The following PHLDB2 variants were observed in gnomAD, a reference collection of about 807,000 sequenced individuals.
The protein encoded by PHLDB2 is pleckstrin homology like domain family B member 2, also known as pleckstrin homology-like domain family B member 2.
In PHLDB2, 71 loss-of-function variants were observed where a neutral mutation model predicts 123.6. The ratio of observed to expected loss-of-function variants is 0.57; its 90% CI spans 0.47 to 0.70. The LOEUF (loss-of-function observed/expected upper bound fraction) is 0.70, where lower values mean the gene tolerates loss of function less well. PHLDB2 is among the 30% of genes least tolerant of loss of function. PHLDB2 has a pLI of 0.00. For missense variants in PHLDB2, 1,446 were observed against 1,519.5 expected (o/e 0.95, Z 0.80); for synonymous variants, 547 against 541.6 (o/e 1.01, Z -0.14).
At chr3:111,849,001 A>G (rs552332480) in intron 2 of PHLDB2, among the ~76,000 whole-genome samples, 28 of 152,328 alleles carry the variant, frequency 1.8e-4, no homozygotes, top group South Asian at 6.2e-4. Flanking sequence ...TTACCTAACA[A>G]TGCATTTCTC....
intron 1 of PHLDB2, among the ~76,000 whole-genome samples, chr3:111,832,366 C>T (rs1360398160): frequency 6.8e-6 from 1 of 147,612 alleles, no homozygotes; most frequent in Admixed American, 6.8e-5. Flanking sequence ...ATAATATGTT[C>T]TTATTTTTTA....
chr3:111,881,892 A>G (rs538619054), intron 1 of PHLDB2, among the ~76,000 whole-genome samples: 1 of 151,932 alleles, frequency 6.6e-6, no homozygotes, highest in South Asian at 2.1e-4. Flanking sequence ...AAGGGTACCC[A>G]TGTAGTTCAA....
intron 2 of PHLDB2, among the ~76,000 whole-genome samples, chr3:111,900,115 G>A (rs1389112524): frequency 3.3e-5 from 5 of 152,212 alleles, no homozygotes; most frequent in East Asian, 3.8e-4. Context: ...TCATAGAACT[G>A]AAGAGAGTTA....
At chr3:111,850,809 C>T (rs1286098504) in intron 2 of PHLDB2, among the ~76,000 whole-genome samples, 1 of 152,114 alleles carries the variant, frequency 6.6e-6, no homozygotes, top group Non-Finnish European at 1.5e-5. Flanking sequence ...GTCATAACAT[C>T]ACTATCTGTA....
chr3:111,929,271 T>A (rs1454048639), intron 5 of PHLDB2, among the ~76,000 whole-genome samples: 1 of 152,290 alleles, frequency 6.6e-6, no homozygotes, highest in Non-Finnish European at 1.5e-5. Context: ...ATTTTAAAAA[T>A]TTTTTTAATT....
In PHLDB2 at chr3:111,911,669, AG is replaced by A. The variant is rs1478290097; in HGVS notation, c.1336-1648del. 9 of 1,536,352 alleles carry A rather than the reference AG, an allele frequency of 5.9e-6. No individual in the cohort carries two copies. In the Admixed American group the frequency reaches 7.8e-5, roughly 13 times the overall value. On this transcript the variant is annotated intron_variant, in intron 2 of 17. Coordinates refer to ENST00000431670, the MANE Select transcript of PHLDB2 (RefSeq NM_001134438.2). ...AGCTATGAGTGCCTGCCGTGGGAAG[AG>A]GCCATGAGGACGGAGCTGCAGCTGG... is the stretch of plus-strand genomic sequence containing the variant.
chr3:111,883,718 C>T (rs183782395), intron 1 of PHLDB2, among the ~76,000 whole-genome samples: 114 of 152,350 alleles, frequency 7.5e-4, no homozygotes, highest in African/African-American at 2.6e-3. Context: ...TAGCTAGTCA[C>T]TAGGGAAGCA....
intron 1 of PHLDB2, among the ~76,000 whole-genome samples, chr3:111,752,965 A>G (rs1485948818): frequency 6.6e-6 from 1 of 152,194 alleles, no homozygotes; most frequent in African/African-American, 2.4e-5. Context: ...ATGTCCCTAC[A>G]AAGGACATGA....
chr3:111,931,848 A>G (rs1577116302), intron 5 of PHLDB2, among the ~76,000 whole-genome samples: 1 of 152,220 alleles, frequency 6.6e-6, no homozygotes, highest in Non-Finnish European at 1.5e-5. Flanking sequence ...GAGTTAGGCT[A>G]TGACAGTCCT....
At chr3:111,770,194 C>G (rs1367993167) in intron 1 of PHLDB2, among the ~76,000 whole-genome samples, 1 of 152,130 alleles carries the variant, frequency 6.6e-6, no homozygotes, top group African/African-American at 2.4e-5. Context: ...GGGAAGGGTG[C>G]TTATTACGTC....
intron 1 of PHLDB2, among the ~76,000 whole-genome samples, chr3:111,760,956 G>A (rs2059981870): frequency 6.6e-6 from 1 of 152,060 alleles, no homozygotes; most frequent in African/African-American, 2.4e-5. Flanking sequence ...GGAGGCCGAG[G>A]CGGGTGGATC....
chr3:111,968,133 CTT>C (rs2071920680), intron 15 of PHLDB2, among the ~76,000 whole-genome samples: 2 of 152,094 alleles, frequency 1.3e-5, no homozygotes, highest in Non-Finnish European at 1.5e-5. Context: ...AAAAGAGAAT[CTT>C]TTTTGAGCAG....
rs1325178739 is a variant in PHLDB2, at chr3:111,845,682, GT to G, written c.-48-134del. ...AATAACAGAGTGATCCAGGACGTCT[GT>G]TTTTCAACTTCAGCAGTAGTTAGTT... On this transcript the variant is annotated intron_variant, in intron 1 of 17. Coordinates refer to the PHLDB2 transcript ENST00000393923. The G allele has an allele frequency of 3.1e-6, 3 of 959,258 alleles. No homozygotes were observed. The African/African-American group carries it at 4.9e-5, about 16-fold the overall frequency. 59.4% of individuals were successfully genotyped at this position (959,258 alleles called of 1,614,324 possible).
At chr3:111,866,104 G>A (rs899625305) in intron 1 of PHLDB2, among the ~76,000 whole-genome samples, 6 of 130,738 alleles carry the variant, frequency 4.6e-5, no homozygotes, top group Admixed American at 9.5e-5. Context: ...CTGCAACCTC[G>A]GCCTCCCAGG....
intron 1 of PHLDB2, among the ~76,000 whole-genome samples, chr3:111,845,462 G>A (rs1222060213): frequency 6.6e-6 from 1 of 151,566 alleles, no homozygotes; most frequent in Non-Finnish European, 1.5e-5. Context: ...AAAAAGCAGG[G>A]GATGAAAAAT....
chr3:111,745,638 A>C (rs1443005104), intron 1 of PHLDB2, among the ~76,000 whole-genome samples: 1 of 152,088 alleles, frequency 6.6e-6, no homozygotes, highest in Non-Finnish European at 1.5e-5. Context: ...GTGACACACC[A>C]GTAGTCCCAG....
At chr3:111,913,790 A>G (rs919346689) in intron 3 of PHLDB2, 88 bp downstream of exon 3, 3 of 1,405,900 alleles carry the variant, frequency 2.1e-6, no homozygotes, top group Admixed American at 2.2e-5. Context: ...TTATCATGCT[A>G]ATTATCCAGG....
At chr3:111,945,161 G>C in intron 8 of PHLDB2, 107 bp from the exon 9 acceptor site, 1 of 751,790 alleles carries the variant, frequency 1.3e-6, no homozygotes. Context: ...AATAGAAATG[G>C]GGGAAATATG....
At chr3:111,912,944 C>G (rs1412231728) in intron 2 of PHLDB2, among the ~76,000 whole-genome samples, 1 of 152,226 alleles carries the variant, frequency 6.6e-6, no homozygotes, top group African/African-American at 2.4e-5. Context: ...CCACTGCACT[C>G]CAGCCTTTGG....
Sources: allele counts gnomAD v4.1 joint callset (sites outside exome capture counted in the v4.1 genomes callset), GRCh38; gene constraint gnomAD v4.1.1; transcripts MANE v1.5; gene names NCBI Gene and HGNC (gene_info 2026-07-23, HGNC 2026-07-21).